CLEC12B: variants seen among roughly 807,000 people sequenced by gnomAD.
CLEC12B encodes the protein macrophage antigen h.
A neutral mutation model predicts 36.1 loss-of-function variants in CLEC12B; 25 were observed. The observed-to-expected ratio is 0.69, with a 90% CI of 0.50 to 0.97. The LOEUF is 0.97. CLEC12B is among the 50% of genes least tolerant of loss of function. CLEC12B has a pLI of 0.00. For missense variants in CLEC12B, 325 were observed against 318.4 expected (o/e 1.02, Z -0.16); for synonymous variants, 110 against 108.5 (o/e 1.01, Z -0.09).
intron 2 of CLEC12B, among the ~76,000 whole-genome samples, chr12:10,013,936 T>C (rs1481804925): frequency 6.6e-6 from 1 of 152,200 alleles, no homozygotes; most frequent in Non-Finnish European, 1.5e-5. Flanking sequence ...ATTGGTTCGA[T>C]ATAGAAGGGT....
chr12:10,006,981 G>C (rs1679011388), upstream of CLEC12B, among the ~76,000 whole-genome samples: 1 of 152,010 alleles, frequency 6.6e-6, no homozygotes, highest in Admixed American at 6.6e-5. Flanking sequence ...CATGAACCTG[G>C]GAGGCGGAGC....
intron 2 of CLEC12B, 84 bp downstream of exon 2, chr12:10,012,967 G>T: frequency 1.0e-6 from 1 of 956,012 alleles, no homozygotes; most frequent in Non-Finnish European, 1.7e-6. Context: ...TTGTAGATGG[G>T]TCCTAGCATC....
In CLEC12B at chr12:10,018,677, T is replaced by G; in HGVS notation, c.*196T>G. 1.8e-6 allele frequency: 1 copy of G among 552,350 alleles called. No homozygotes were observed. Among genetic ancestry groups the G allele is most frequent in the Non-Finnish European group, 3.1e-6 (1 of 317,670 alleles). 34.2% of individuals were successfully genotyped at this position (552,350 alleles called of 1,614,324 possible). ...CTTCTGATTTGATGTTATTATTCGGTCTTAAAATTATACCTGGGGACAAAG... is the reference window on the plus strand; with the variant it reads ...CTTCTGATTTGATGTTATTATTCGGGCTTAAAATTATACCTGGGGACAAAG... On this transcript the variant is annotated 3_prime_UTR_variant, in exon 6 of 6. Coordinates refer to ENST00000338896, the MANE Select transcript of CLEC12B (RefSeq NM_001129998.3).
At chr12:10,006,703 G>A (rs1865230366), upstream of CLEC12B, among the ~76,000 whole-genome samples, 1 of 152,158 alleles carries the variant, frequency 6.6e-6, no homozygotes, top group African/African-American at 2.4e-5. Context: ...CTGAGAACTA[G>A]CCATTGGATG....
rs1206110653 is a variant in CLEC12B, at chr12:10,012,713, GA to G, written c.92-69del. On this transcript the variant is annotated intron_variant, in intron 1 of 5. Coordinates refer to ENST00000338896, the MANE Select transcript of CLEC12B (RefSeq NM_001129998.3). Reference sequence around the variant, plus strand: ...GTATCGGGAAGCTCCCTAAGTGGGAGAAATAAACAAACCAAAGTGAAACAAG... The same window carrying G: ...GTATCGGGAAGCTCCCTAAGTGGGAGAATAAACAAACCAAAGTGAAACAAG... The G allele has an allele frequency of 9.0e-6, 11 of 1,226,220 alleles. No individual in the cohort carries two copies. In the African/African-American group the frequency reaches 1.7e-4, roughly 19 times the overall value. 76.0% of individuals were successfully genotyped at this position (1,226,220 alleles called of 1,614,324 possible).
At position 10,012,951 on chromosome 12, in the gene CLEC12B, C is replaced by G. The variant is rs773289917; in HGVS notation, c.190+68C>G. The G allele has an allele frequency of 9.3e-6, 11 of 1,180,198 alleles. No individual in the cohort carries two copies. In the South Asian group the frequency reaches 1.2e-4, roughly 13 times the overall value. 73.1% of individuals were successfully genotyped at this position (1,180,198 alleles called of 1,614,324 possible). On this transcript the variant is annotated intron_variant, in intron 2 of 5. Transcript: ENST00000338896. ...CATATTGTAAACCATGTACTTTCAG[C>G]TTGGATTGTAGATGGGTCCTAGCAT...
intron 5 of CLEC12B, chr12:10,016,009 A>C (rs1865479394): frequency 9.1e-7 from 1 of 1,094,594 alleles, no homozygotes; most frequent in Non-Finnish European, 1.1e-6. Flanking sequence ...TAACCCTTGA[A>C]GAAAGCAGTT....
upstream of CLEC12B, among the ~76,000 whole-genome samples, chr12:10,009,457 A>G (rs1049100039): frequency 5.9e-5 from 9 of 152,162 alleles, no homozygotes; most frequent in Admixed American, 4.6e-4. Context: ...AGAATAGTAA[A>G]CATAAGCATA....
chr12:10,009,202 C>T (rs1865267981), upstream of CLEC12B, among the ~76,000 whole-genome samples: 1 of 152,162 alleles, frequency 6.6e-6, no homozygotes, highest in Non-Finnish European at 1.5e-5. Context: ...TCATCCTGCT[C>T]TTCACAATAA....
rs189582628 is a variant in CLEC12B at position 10,015,387 on chromosome 12, T to C, written c.545T>C (p.Ile182Thr). ...CIDKNSTLVK[I>T]DSLEEKDFLM... Reference sequence around the variant, plus strand: ...GACAAGAACTCCACCCTAGTGAAGATAGACAGTTTGGAAGAAAAGGTAGGA... The same window carrying C: ...GACAAGAACTCCACCCTAGTGAAGACAGACAGTTTGGAAGAAAAGGTAGGA... Residue 182 changes from isoleucine (I) to threonine (T), a missense_variant, in exon 4 of 6, where the codon ATA becomes ACA. Coordinates refer to ENST00000338896, the MANE Select transcript of CLEC12B (RefSeq NM_001129998.3). The C allele has an allele frequency of 9.9e-5, 160 of 1,612,426 alleles. No homozygotes were observed. In the East Asian group the frequency reaches 2.2e-3, roughly 22 times the overall value.
At chr12:10,015,823 G>C in intron 5 of CLEC12B, 96 bp downstream of exon 5, 1 of 1,583,632 alleles carries the variant, frequency 6.3e-7, no homozygotes, top group Admixed American at 1.8e-5. Context: ...GACATAAAAA[G>C]AGGAGTACAA....
intron 2 of CLEC12B, chr12:10,013,366 T>C (rs1278800232): frequency 1.1e-5 from 2 of 177,888 alleles, no homozygotes; most frequent in Non-Finnish European, 2.3e-5. Flanking sequence ...GAAAGACATA[T>C]AAACAAAGAG....
At chr12:10,012,563 A>T (rs1389320420) in intron 1 of CLEC12B, among the ~76,000 whole-genome samples, 1 of 152,106 alleles carries the variant, frequency 6.6e-6, no homozygotes, top group Non-Finnish European at 1.5e-5. Context: ...CCCCCAACGA[A>T]GCTTCCTCTT....
At chr12:10,015,483 C>A in intron 4 of CLEC12B, 77 bp downstream of exon 4, 1 of 1,558,940 alleles carries the variant, frequency 6.4e-7, no homozygotes, top group Non-Finnish European at 8.7e-7. Context: ...ATCTGATTCA[C>A]ATGATGGAAA....
At chr12:10,009,208 A>G (rs914476004), upstream of CLEC12B, among the ~76,000 whole-genome samples, 8 of 152,186 alleles carry the variant, frequency 5.3e-5, no homozygotes, top group Admixed American at 5.2e-4. Flanking sequence ...TGCTCTTCAC[A>G]ATAAACCTTG....
At chr12:10,008,502 A>G (rs1218899266), upstream of CLEC12B, among the ~76,000 whole-genome samples, 1 of 152,226 alleles carries the variant, frequency 6.6e-6, no homozygotes, top group African/African-American at 2.4e-5. Context: ...AAGATAGTTG[A>G]AAAAATAATG....
upstream of CLEC12B, among the ~76,000 whole-genome samples, chr12:10,007,264 C>T (rs556635047): frequency 6.6e-6 from 1 of 151,514 alleles, no homozygotes; most frequent in South Asian, 2.1e-4. Context: ...GATATTATAT[C>T]ATCTTTGGAA....
chr12:10,006,402 A>G (rs150858966), upstream of CLEC12B, among the ~76,000 whole-genome samples: 1 of 152,040 alleles, frequency 6.6e-6, no homozygotes, highest in African/African-American at 2.4e-5. Flanking sequence ...TAAGAAATTA[A>G]TTCCCATTCT....
At chr12:10,012,102 T>C (rs1865343316) in intron 1 of CLEC12B, among the ~76,000 whole-genome samples, 1 of 152,238 alleles carries the variant, frequency 6.6e-6, no homozygotes, top group African/African-American at 2.4e-5. Flanking sequence ...CTGCACATTC[T>C]TTCCTTCTTT....
Sources: gnomAD v4.1 joint callset for allele counts (sites outside exome capture counted in the v4.1 genomes callset) on GRCh38, gnomAD v4.1.1 for gene constraint, MANE v1.5 for transcripts, NCBI Gene and HGNC (gene_info 2026-07-23, HGNC 2026-07-21) for gene names.